LRBA: variants seen among roughly 807,000 people sequenced by gnomAD.
LRBA encodes LPS responsive beige-like anchor protein, also known as lipopolysaccharide-responsive and beige-like anchor protein.
A neutral mutation model predicts 330.0 loss-of-function variants in LRBA; 176 were observed. The ratio of observed to expected loss-of-function variants is 0.53; its 90% CI spans 0.47 to 0.60. LRBA has a LOEUF of 0.60. LRBA is among the 20% of genes least tolerant of loss of function. The probability of loss-of-function intolerance (pLI) is 0.00; values close to 1 mark genes in which losing one functional copy is unlikely to be tolerated. For synonymous variants in LRBA, 1,230 were observed against 1,193.0 expected, an observed-to-expected ratio of 1.03 and a Z score of -0.64; for missense variants, 3,259 against 3,444.8, an observed-to-expected ratio of 0.95 and a Z score of 1.35.
chr4:150,639,809 GTGTGTGTGTGTATATATATA>G (rs1561457819), intron 37 of LRBA, among the ~76,000 whole-genome samples: 467 of 6,120 alleles, frequency 0.076, 62 homozygotes, highest in African/African-American at 0.19. Context: ...ATATATATGT[GTGTGTGTGTGTATATATATA>G]TATATATATA....
At chr4:150,339,573 G>A (rs1735222958) in intron 48 of LRBA, among the ~76,000 whole-genome samples, 1 of 152,082 alleles carries the variant, frequency 6.6e-6, no homozygotes, top group Non-Finnish European at 1.5e-5. Flanking sequence ...ATAGAAAGAG[G>A]CAAATTAAAG....
intron 2 of LRBA, among the ~76,000 whole-genome samples, chr4:150,984,155 T>G (rs1211755034): frequency 1.3e-5 from 2 of 152,166 alleles, no homozygotes; most frequent in Admixed American, 1.3e-4. Context: ...GCTAATTTCA[T>G]TCAACCTGTT....
At chr4:151,014,133 T>A in intron 2 of LRBA, 13 of 244,646 alleles carry the variant, frequency 5.3e-5, no homozygotes, top group East Asian at 7.7e-5. Context: ...AAAAAAAAAA[T>A]TAGAGATAAC....
At chr4:150,333,397 A>G (rs1036618451) in intron 48 of LRBA, among the ~76,000 whole-genome samples, 1 of 152,168 alleles carries the variant, frequency 6.6e-6, no homozygotes, top group African/African-American at 2.4e-5. Flanking sequence ...ATAGAGACAA[A>G]ATAATTTATT....
chr4:150,844,863 T>C (rs1309649995), intron 26 of LRBA, 84 bp from the exon 27 acceptor site: 2 of 1,078,994 alleles, frequency 1.9e-6, no homozygotes, highest in Non-Finnish European at 2.8e-6. Flanking sequence ...CTACACAATA[T>C]GATTTACATA....
At chr4:150,611,293 C>A (rs1775233578) in intron 37 of LRBA, among the ~76,000 whole-genome samples, 1 of 152,092 alleles carries the variant, frequency 6.6e-6, no homozygotes, top group Admixed American at 6.5e-5. Context: ...TCAAAACAAC[C>A]ATATAAATTA....
Position 150,817,104 on chromosome 4 carries a change from A to T in LRBA, c.5305+20T>A. 1 of 1,602,952 alleles carries T rather than the reference A, an allele frequency of 6.2e-7. No individual in the cohort carries two copies. Among genetic ancestry groups the T allele is most frequent in the East Asian group, 2.2e-5 (1 of 44,728 alleles). On this transcript the variant is annotated intron_variant, in intron 31 of 56. Transcript: ENST00000651943. ...GAGATCTAAAAACATTTTTGTTGAA[A>T]TCACTGATAACTAACTCACCTGGTG...
At chr4:150,609,697 G>A (rs1303935524) in intron 37 of LRBA, among the ~76,000 whole-genome samples, 1 of 152,124 alleles carries the variant, frequency 6.6e-6, no homozygotes, top group African/African-American at 2.4e-5. Context: ...TGGTGGCAAT[G>A]GTTAATATTG....
In LRBA at chr4:150,537,610, T is replaced by C. The variant is rs1764802847; in HGVS notation, c.6331-46575A>G. Among the ~76,000 whole-genome samples the C allele has an allele frequency of 2.6e-5, 4 of 152,144 alleles. 1 individual carries two copies. The South Asian group carries it at 8.3e-4, about 32-fold the overall frequency. On this transcript the variant is annotated intron_variant, in intron 40 of 56. Coordinates refer to ENST00000651943, the MANE Select transcript of LRBA (RefSeq NM_001364905.1). ...TGACAAAGGCCTAATATCCAGAATC[T>C]ATAGGAAACTTCATTCAACAAGCAA...
At position 150,489,464 on chromosome 4, in the gene LRBA, A is replaced by AT. The variant is rs1357142688; in HGVS notation, c.6448+1453_6448+1454insA. On this transcript the variant is annotated intron_variant, in intron 41 of 56. Transcript: ENST00000651943. ...TATAATATATTATATATAAGAATAT[A>AT]AAATATATTATATATAAGAATATAT... Among the ~76,000 whole-genome samples the AT allele has an allele frequency of 7.7e-3, 206 of 26,742 alleles. 13 individuals carry two copies. Among genetic ancestry groups the AT allele is most frequent in the African/African-American group, 0.015 (192 of 12,842 alleles). 17.5% of individuals were successfully genotyped at this position (26,742 alleles called of 152,430 possible). A position where few individuals can be genotyped will look rare whatever the true frequency, so the allele number is the denominator to read the frequency against.
At chr4:150,443,458 A>G (rs1279481966) in intron 44 of LRBA, among the ~76,000 whole-genome samples, 2 of 152,188 alleles carry the variant, frequency 1.3e-5, no homozygotes, top group Non-Finnish European at 2.9e-5. Context: ...CAAATGTCCA[A>G]CAATAATAGA....
At chr4:150,647,074 A>G (rs893779551) in intron 37 of LRBA, among the ~76,000 whole-genome samples, 2 of 152,076 alleles carry the variant, frequency 1.3e-5, no homozygotes, top group Admixed American at 1.3e-4. Context: ...AGTAAAACTA[A>G]TATTTTAGTA....
intron 2 of LRBA, among the ~76,000 whole-genome samples, chr4:151,005,560 TC>T (rs1743956837): frequency 6.9e-6 from 1 of 145,398 alleles, no homozygotes; most frequent in African/African-American, 2.6e-5. Flanking sequence ...ATGACACTGT[TC>T]TTTTTTTTTT....
At chr4:150,850,240 C>T (rs1344425466) in intron 24 of LRBA, among the ~76,000 whole-genome samples, 1 of 151,942 alleles carries the variant, frequency 6.6e-6, no homozygotes, top group Non-Finnish European at 1.5e-5. Flanking sequence ...ACTACAGACG[C>T]CCGCCACCAC....
At chr4:150,708,792 C>T (rs1300753859) in intron 36 of LRBA, among the ~76,000 whole-genome samples, 8 of 151,828 alleles carry the variant, frequency 5.3e-5, no homozygotes, top group Non-Finnish European at 1.0e-4. Flanking sequence ...ATTAAAAAGG[C>T]TATATAATAG....
chr4:150,563,426 C>T (rs1284112859), intron 40 of LRBA, among the ~76,000 whole-genome samples: 1 of 152,132 alleles, frequency 6.6e-6, no homozygotes, highest in African/African-American at 2.4e-5. Flanking sequence ...CTATTCATGA[C>T]AAACCCATAG....
chr4:150,996,760 C>T lies in LRBA; in HGVS notation c.216+17667G>A, dbSNP rs561354522. 1.5e-3 allele frequency among the ~76,000 whole-genome samples: 228 copies of T among 152,240 alleles called. 3 individuals are homozygous for T. Among genetic ancestry groups the T allele is most frequent in the African/African-American group, 5.1e-3 (211 of 41,566 alleles). ...AACACAACTTATATTAATAATCACA[C>T]AGTATAACATGGTACACACAAAATT... On this transcript the variant is annotated intron_variant, in intron 2 of 56. Transcript: ENST00000651943.
chr4:150,917,380 A>G (rs973028880), intron 5 of LRBA, among the ~76,000 whole-genome samples: 6 of 152,126 alleles, frequency 3.9e-5, no homozygotes, highest in Non-Finnish European at 8.8e-5. Flanking sequence ...AAGTGATAAC[A>G]AATTGGAAAT....
At chr4:150,487,220 G>A (rs1011906457) in intron 42 of LRBA, among the ~76,000 whole-genome samples, 25 of 150,622 alleles carry the variant, frequency 1.7e-4, no homozygotes, top group East Asian at 1.5e-3. Context: ...GATATATATC[G>A]TGTGTGTGTA....
Sources: gnomAD v4.1 joint callset for allele counts (sites outside exome capture counted in the v4.1 genomes callset) on GRCh38, gnomAD v4.1.1 for gene constraint, MANE v1.5 for transcripts, NCBI Gene and HGNC (gene_info 2026-07-23, HGNC 2026-07-21) for gene names.